FAT3: variants seen among roughly 807,000 people sequenced by gnomAD.
FAT3 encodes the protein FAT atypical cadherin 3.
A neutral mutation model predicts 310.2 loss-of-function variants in FAT3; 95 were observed. The observed-to-expected ratio is 0.31, with a 90% CI of 0.26 to 0.36. The LOEUF (loss-of-function observed/expected upper bound fraction) is 0.36, where lower values mean the gene tolerates loss of function less well. Among genes scored for constraint, FAT3 ranks in the 10% least tolerant of loss-of-function variants. The pLI is 1.00. For synonymous variants in FAT3, 2,314 were observed against 2,192.9 expected, an observed-to-expected ratio of 1.06 and a Z score of -1.54; for missense variants, 5,408 against 5,715.6, an observed-to-expected ratio of 0.95 and a Z score of 1.74.
chr11:92,613,613 C>T lies in FAT3; in HGVS notation c.3608-83771C>T, dbSNP rs1204105035. On this transcript the variant is annotated intron_variant, in intron 3 of 27. Transcript: ENST00000525166. ...ATTCCTCTGGGATTACCCTCCAAAC[C>T]CCATCTTCTAGCCTCTGTTTTGGAG... is the stretch of plus-strand genomic sequence containing the variant. 3.9e-5 allele frequency among the ~76,000 whole-genome samples: 6 copies of T among 152,108 alleles called. 1 individual carries two copies. The highest frequency in any genetic ancestry group is 3.3e-4 in the Admixed American group (5 of 15,270).
At chr11:92,599,408 T>C (rs1315770551) in intron 3 of FAT3, among the ~76,000 whole-genome samples, 16 of 152,160 alleles carry the variant, frequency 1.1e-4, no homozygotes, top group African/African-American at 3.9e-4. Flanking sequence ...ACTGCCCTCA[T>C]GATTCAATGA....
At chr11:92,282,556 T>A (rs1356170708) in intron 1 of FAT3, among the ~76,000 whole-genome samples, 2 of 151,688 alleles carry the variant, frequency 1.3e-5, no homozygotes, top group Non-Finnish European at 2.9e-5. Flanking sequence ...TCCCAGCTAC[T>A]CGGGAGGCTG....
chr11:92,570,562 A>G (rs766023448), intron 3 of FAT3, among the ~76,000 whole-genome samples: 2 of 152,180 alleles, frequency 1.3e-5, no homozygotes, highest in African/African-American at 2.4e-5. Context: ...TGTTTCATTT[A>G]TACTGATTTT....
intron 2 of FAT3, among the ~76,000 whole-genome samples, chr11:92,496,418 T>C (rs1952766834): frequency 2.6e-5 from 4 of 152,010 alleles, no homozygotes; most frequent in Admixed American, 2.6e-4. Flanking sequence ...TTAGAAAATA[T>C]CTTCTTCCAT....
At chr11:92,732,794 A>G (rs888946877) in intron 4 of FAT3, among the ~76,000 whole-genome samples, 7 of 152,226 alleles carry the variant, frequency 4.6e-5, no homozygotes, top group African/African-American at 9.6e-5. Flanking sequence ...TAGGTTAAGC[A>G]CTAGAGGTTA....
intron 1 of FAT3, among the ~76,000 whole-genome samples, chr11:92,351,138 T>C (rs2134626037): frequency 6.6e-6 from 1 of 152,288 alleles, no homozygotes; most frequent in Admixed American, 6.5e-5. Context: ...CTAAAGTTTT[T>C]CTTGCAAGTA....
chr11:92,338,398 G>A (rs1050186211), intron 1 of FAT3, among the ~76,000 whole-genome samples: 1 of 152,106 alleles, frequency 6.6e-6, no homozygotes, highest in Admixed American at 6.6e-5. Context: ...TTGATATTAA[G>A]GAGAGGCATT....
intron 3 of FAT3, among the ~76,000 whole-genome samples, chr11:92,531,276 G>A (rs1008157332): frequency 3.1e-4 from 47 of 152,088 alleles, no homozygotes; most frequent in African/African-American, 1.1e-3. Flanking sequence ...TAAATTCAGC[G>A]GTGACCTTTG....
intron 2 of FAT3, among the ~76,000 whole-genome samples, chr11:92,478,488 A>C (rs1478620140): frequency 2.0e-5 from 3 of 152,182 alleles, no homozygotes; most frequent in Admixed American, 2.0e-4. Context: ...TTCCTCACTC[A>C]GGAGATGATA....
chr11:92,576,590 G>T (rs1938497377), intron 3 of FAT3, among the ~76,000 whole-genome samples: 1 of 152,066 alleles, frequency 6.6e-6, no homozygotes, highest in African/African-American at 2.4e-5. Flanking sequence ...ACTGATTTGG[G>T]CAAAGCACAC....
At chr11:92,845,021 G>A (rs1948652238) in intron 19 of FAT3, among the ~76,000 whole-genome samples, 1 of 151,964 alleles carries the variant, frequency 6.6e-6, no homozygotes, top group African/African-American at 2.4e-5. Flanking sequence ...TTTCCCCAAA[G>A]GGAGTATCCT....
chr11:92,412,754 T>TAC lies in FAT3; in HGVS notation c.3292+57352_3292+57353dup, dbSNP rs1950322358. The stretch of plus-strand genomic sequence containing the variant: ...ATATATATATATATATAAATATACA[T>TAC]ACATATATATATATTTAATGTAAGA... On this transcript the variant is annotated intron_variant, in intron 2 of 27. Transcript: ENST00000525166. Among the ~76,000 whole-genome samples, 7 of 94,954 alleles carry TAC rather than the reference T, an allele frequency of 7.4e-5. 1 individual carries two copies. The highest frequency in any genetic ancestry group is 3.5e-4 in the South Asian group (1 of 2,828). 62.3% of individuals were successfully genotyped at this position (94,954 alleles called of 152,430 possible).
At chr11:92,434,301 C>A (rs984667726) in intron 2 of FAT3, among the ~76,000 whole-genome samples, 1 of 152,150 alleles carries the variant, frequency 6.6e-6, no homozygotes, top group Non-Finnish European at 1.5e-5. Flanking sequence ...CTCCCATGTA[C>A]AGCTGTTTAC....
intron 3 of FAT3, among the ~76,000 whole-genome samples, chr11:92,533,028 G>A (rs1168594154): frequency 6.6e-6 from 1 of 152,042 alleles, no homozygotes; most frequent in Non-Finnish European, 1.5e-5. Context: ...CAGTGTCCCA[G>A]ACCACTATCT....
intron 2 of FAT3, among the ~76,000 whole-genome samples, chr11:92,467,433 T>A (rs1951792642): frequency 6.6e-6 from 1 of 152,218 alleles, no homozygotes; most frequent in African/African-American, 2.4e-5. Flanking sequence ...CTGGGGACTC[T>A]ACTTATTATC....
chr11:92,337,074 A>C (rs575150146), intron 1 of FAT3, among the ~76,000 whole-genome samples: 1 of 152,156 alleles, frequency 6.6e-6, no homozygotes, highest in African/African-American at 2.4e-5. Context: ...GCCTCTTAAC[A>C]TCCCTGACTC....
chr11:92,664,566 T>A (rs1356044544), intron 3 of FAT3, among the ~76,000 whole-genome samples: 2 of 152,204 alleles, frequency 1.3e-5, no homozygotes, highest in Admixed American at 6.5e-5. Flanking sequence ...TCTAACACAA[T>A]ATCTGTGGTT....
rs1943679899 is a variant in FAT3 at position 92,687,950 on chromosome 11, C to T, written c.3608-9434C>T. Among the ~76,000 whole-genome samples, 5 of 151,732 alleles carry T rather than the reference C, an allele frequency of 3.3e-5. No individual in the cohort carries two copies. In the South Asian group the frequency reaches 1.0e-3, roughly 32 times the overall value. The stretch of plus-strand genomic sequence containing the variant: ...GCAAGGTGACTCACACGTAGAATCC[C>T]AGCACTTTGGGAGGCTGAGGCCAGA... On this transcript the variant is annotated intron_variant, in intron 3 of 27. Transcript: ENST00000525166.
At chr11:92,607,891 T>C (rs527827742) in intron 3 of FAT3, among the ~76,000 whole-genome samples, 2 of 152,294 alleles carry the variant, frequency 1.3e-5, no homozygotes, top group Non-Finnish European at 2.9e-5. Context: ...TCTATAACCC[T>C]TTCCAATTTC....
Sources: allele counts gnomAD v4.1 joint callset (sites outside exome capture counted in the v4.1 genomes callset), GRCh38; gene constraint gnomAD v4.1.1; transcripts MANE v1.5; gene names NCBI Gene and HGNC (gene_info 2026-07-23, HGNC 2026-07-21).